Variants in SERF2 observed in about 807,000 individuals in gnomAD.
SERF2 encodes the protein gastric cancer-related protein VRG107.
In SERF2, 4 loss-of-function variants were observed where a neutral mutation model predicts 10.7. That is an observed-to-expected ratio of 0.37 (90% CI 0.18 to 0.86). SERF2 has a LOEUF of 0.86. Ranked by LOEUF, SERF2 falls within the 40% of genes least tolerant of loss-of-function variation. The pLI, the probability that SERF2 is intolerant of heterozygous loss-of-function variation, is 0.43. For missense variants in SERF2, 47 were observed against 79.1 expected (o/e 0.59, Z 1.54); for synonymous variants, 26 against 26.0 (o/e 1.00, Z 0.01).
intron 1 of SERF2, chr15:43,777,517 G>T: frequency 5.5e-6 from 1 of 183,424 alleles, no homozygotes; most frequent in Non-Finnish European, 1.2e-5. Flanking sequence ...TTGGGGCCCT[G>T]CGGTTGTGGT....
At chr15:43,780,480 A>G (rs2086955958) in intron 1 of SERF2, among the ~76,000 whole-genome samples, 1 of 152,134 alleles carries the variant, frequency 6.6e-6, no homozygotes, top group Admixed American at 6.6e-5. Context: ...AGTAGTGTTA[A>G]GTATCGCCTA....
chr15:43,795,905 TA>T lies in SERF2; in HGVS notation c.*2134del. On this transcript the variant is annotated 3_prime_UTR_variant, in exon 3 of 3. Transcript: ENST00000249786. ...GCTGTGCAGACTTTGGTAAGATGTT[TA>T]ATCTTTTGTGCCTCGATTTCTCCAT... 3 of 687,920 alleles carry T rather than the reference TA, an allele frequency of 4.4e-6. No individual in the cohort carries two copies. In the South Asian group the frequency reaches 5.8e-5, roughly 13 times the overall value. The allele number at this position is 687,920 out of a possible 1,614,324, so 42.6% of individuals were successfully genotyped here.
At chr15:43,778,840 TG>T (rs889933085) in intron 1 of SERF2, among the ~76,000 whole-genome samples, 1 of 152,104 alleles carries the variant, frequency 6.6e-6, no homozygotes, top group Non-Finnish European at 1.5e-5. Context: ...AGGTGAATGT[TG>T]CAGTGAGCTG....
intron 1 of SERF2, among the ~76,000 whole-genome samples, chr15:43,782,331 G>T (rs2086971236): frequency 1.3e-5 from 2 of 152,088 alleles, no homozygotes; most frequent in South Asian, 4.1e-4. Flanking sequence ...GTATGTAAAT[G>T]TTATTTGCAA....
At position 43,794,370 on chromosome 15, in the gene SERF2, TCA is replaced by T. The variant is rs1454845410; in HGVS notation, c.*598_*599del. 1 of 172,902 alleles carries T rather than the reference TCA, an allele frequency of 5.8e-6. No homozygotes were observed. The highest frequency in any genetic ancestry group is 1.2e-5 in the Non-Finnish European group (1 of 81,218). 10.7% of individuals were successfully genotyped at this position (172,902 alleles called of 1,614,324 possible). On this transcript the variant is annotated 3_prime_UTR_variant, in exon 3 of 3. Transcript: ENST00000249786. ...TTATGCCTCTTTTCCTCATTCTTCC[TCA>T]GTTTGTTCGTCTGCTTGAAAGTTGG...
upstream of SERF2, among the ~76,000 whole-genome samples, chr15:43,790,740 GCTTGGGTGTCTCTTATTAA>G (rs1219655948): frequency 4.0e-5 from 6 of 149,650 alleles, no homozygotes; most frequent in Non-Finnish European, 5.9e-5. Context: ...ATGCACTCCA[GCTTGGGTGTCTCTTATTAA>G]CTGTTTATTT....
At chr15:43,792,826 C>G (rs2087099090) in intron 1 of SERF2, 149 bp from the exon 2 acceptor site, 1 of 702,164 alleles carries the variant, frequency 1.4e-6, no homozygotes, top group Non-Finnish European at 2.4e-6. Flanking sequence ...TCCCCCCTAC[C>G]CCAAGCAGCC....
Position 43,793,859 on chromosome 15 carries a change from C to T in SERF2, c.*86C>T. 3 of 1,613,096 alleles carry T rather than the reference C, an allele frequency of 1.9e-6. No homozygotes were observed. Among genetic ancestry groups the T allele is most frequent in the Non-Finnish European group, 2.5e-6 (3 of 1,179,514 alleles). On this transcript the variant is annotated 3_prime_UTR_variant, in exon 3 of 3. Coordinates refer to ENST00000249786, the MANE Select transcript of SERF2 (RefSeq NM_001018108.4). ...CACGCTCGCGTTTCCTCCTGTAGTGCTCACAGGTCCCAGCACCGATGGCAT... is the reference window on the plus strand; with the variant it reads ...CACGCTCGCGTTTCCTCCTGTAGTGTTCACAGGTCCCAGCACCGATGGCAT...
chr15:43,780,097 T>C (rs1017301689), intron 1 of SERF2, among the ~76,000 whole-genome samples: 2 of 152,290 alleles, frequency 1.3e-5, no homozygotes, highest in African/African-American at 4.8e-5. Flanking sequence ...ATTGTTTTTC[T>C]TTATGAACCC....
Position 43,795,258 on chromosome 15 carries a change from C to A in SERF2, c.*1485C>A. The A allele has an allele frequency of 1.2e-6, 2 of 1,602,158 alleles. No homozygotes were observed. The highest frequency in any genetic ancestry group is 2.2e-5 in the South Asian group (2 of 90,760). Reference sequence around the variant, plus strand: ...GGTTAGAGAATATGAAGGGCCTTAGCTTTTAGACCTGTTCTACCTCCTCAC... The same window carrying A: ...GGTTAGAGAATATGAAGGGCCTTAGATTTTAGACCTGTTCTACCTCCTCAC... On this transcript the variant is annotated 3_prime_UTR_variant, in exon 3 of 3. Coordinates refer to ENST00000249786, the MANE Select transcript of SERF2 (RefSeq NM_001018108.4).
chr15:43,791,214 C>CA (rs1158802759), upstream of SERF2, among the ~76,000 whole-genome samples: 1 of 152,108 alleles, frequency 6.6e-6, no homozygotes, highest in Non-Finnish European at 1.5e-5. Context: ...GCTGGGACTA[C>CA]AGGCGCCCGC....
intron 1 of SERF2, among the ~76,000 whole-genome samples, chr15:43,783,880 C>G (rs1422148427): frequency 6.9e-6 from 1 of 144,802 alleles, no homozygotes; most frequent in African/African-American, 2.5e-5. Flanking sequence ...CCTGTCTCAG[C>G]TTTCTGGAGT....
chr15:43,778,177 A>G (rs2086936275), intron 1 of SERF2: 1 of 151,774 alleles, frequency 6.6e-6, no homozygotes. Context: ...GTTAGCCAGG[A>G]TGGTTTTGAT....
chr15:43,788,361 C>T (rs2087024888), upstream of SERF2, among the ~76,000 whole-genome samples: 1 of 150,880 alleles, frequency 6.6e-6, no homozygotes, highest in South Asian at 2.1e-4. Context: ...CTCCTGACCT[C>T]GTGATCGGCC....
chr15:43,791,150 T>C (rs2087055646), upstream of SERF2, among the ~76,000 whole-genome samples: 1 of 151,892 alleles, frequency 6.6e-6, no homozygotes, highest in Admixed American at 6.6e-5. Flanking sequence ...CTCGGCTCAC[T>C]GCAAGCTCCA....
chr15:43,792,873 G>T, intron 1 of SERF2, 102 bp from the exon 2 acceptor site: 1 of 840,644 alleles, frequency 1.2e-6, no homozygotes. Flanking sequence ...CCCGGAGATT[G>T]AAGTGGTGTT....
intron 1 of SERF2, among the ~76,000 whole-genome samples, chr15:43,781,103 C>T (rs927510842): frequency 1.3e-5 from 2 of 152,142 alleles, no homozygotes; most frequent in Non-Finnish European, 2.9e-5. Context: ...CACTGTGATA[C>T]GCTCTGATAA....
In SERF2 at chr15:43,794,996, G is replaced by T; in HGVS notation, c.*1223G>T. 1 of 1,604,284 alleles carries T rather than the reference G, an allele frequency of 6.2e-7. No homozygotes were observed. Reference sequence around the variant, plus strand: ...TCAGGGGAACCCCAGTTTGTGAAAAGGACTTAGACTGGAGGATATTTGTTA... The same window carrying T: ...TCAGGGGAACCCCAGTTTGTGAAAATGACTTAGACTGGAGGATATTTGTTA... On this transcript the variant is annotated 3_prime_UTR_variant, in exon 3 of 3. Coordinates refer to ENST00000249786, the MANE Select transcript of SERF2 (RefSeq NM_001018108.4).
upstream of SERF2, among the ~76,000 whole-genome samples, chr15:43,788,336 C>G (rs2087024650): frequency 6.6e-6 from 1 of 151,942 alleles, no homozygotes; most frequent in Admixed American, 6.6e-5. Context: ...CTGTGTTATC[C>G]AGGATGGTCT....
Sources: allele counts gnomAD v4.1 joint callset (sites outside exome capture counted in the v4.1 genomes callset), GRCh38; gene constraint gnomAD v4.1.1; transcripts MANE v1.5; gene names NCBI Gene and HGNC (gene_info 2026-07-23, HGNC 2026-07-21).